Variants in TAFA1 observed in about 807,000 individuals in gnomAD.
TAFA1 encodes the protein TAFA chemokine like family member 1.
In TAFA1, 4 loss-of-function variants were observed where a neutral mutation model predicts 18.5. The ratio of observed to expected loss-of-function variants is 0.22; its 90% CI spans 0.11 to 0.49. The LOEUF is 0.49. Ranked by LOEUF, TAFA1 falls within the 20% of genes least tolerant of loss-of-function variation. The pLI is 0.98. For synonymous variants in TAFA1, 56 were observed against 55.2 expected (o/e 1.01, Z -0.06); for missense variants, 147 against 169.0 (o/e 0.87, Z 0.72).
At chr3:68,463,277 A>T (rs2071819524) in intron 3 of TAFA1, among the ~76,000 whole-genome samples, 1 of 152,186 alleles carries the variant, frequency 6.6e-6, no homozygotes, top group Non-Finnish European at 1.5e-5. Flanking sequence ...GATATAATCA[A>T]TAGATGTCAG....
At chr3:68,092,577 G>A (rs1359796120) in intron 2 of TAFA1, among the ~76,000 whole-genome samples, 2 of 152,188 alleles carry the variant, frequency 1.3e-5, no homozygotes, top group Admixed American at 1.3e-4. Context: ...AGGAAAGTGA[G>A]TCATGTTCTG....
intron 2 of TAFA1, among the ~76,000 whole-genome samples, chr3:68,064,062 A>C (rs2064641453): frequency 6.6e-6 from 1 of 152,222 alleles, no homozygotes; most frequent in Admixed American, 6.5e-5. Context: ...AACAAAACTT[A>C]ATAAGTTGAC....
intron 2 of TAFA1, among the ~76,000 whole-genome samples, chr3:68,296,758 G>A (rs1370101709): frequency 1.3e-5 from 2 of 152,144 alleles, no homozygotes; most frequent in Non-Finnish European, 2.9e-5. Flanking sequence ...CACTGTGCTA[G>A]GTGCTTGGGT....
intron 2 of TAFA1, among the ~76,000 whole-genome samples, chr3:68,377,912 G>T (rs1409228951): frequency 6.6e-6 from 1 of 152,172 alleles, no homozygotes; most frequent in Admixed American, 6.5e-5. Flanking sequence ...CCAACTTTTG[G>T]CAGCCTCCAC....
At chr3:68,073,254 G>A (rs6548964) in intron 2 of TAFA1, among the ~76,000 whole-genome samples, 144,246 of 152,256 alleles carry the variant, frequency 0.95, 68,390 homozygotes, top group South Asian at 0.97. Context: ...TTTACTGAAC[G>A]TTAGAGTTAG....
chr3:68,208,264 G>A (rs549819502), intron 2 of TAFA1, among the ~76,000 whole-genome samples: 24 of 151,820 alleles, frequency 1.6e-4, no homozygotes, highest in South Asian at 4.2e-4. Context: ...TCCATTGTGC[G>A]TTTATAGCCT....
At chr3:68,437,482 G>A (rs1254366792) in intron 3 of TAFA1, among the ~76,000 whole-genome samples, 5 of 152,136 alleles carry the variant, frequency 3.3e-5, no homozygotes, top group Non-Finnish European at 7.4e-5. Context: ...AGGCCAAAGG[G>A]CTGCATCTCG....
At chr3:68,220,313 GAA>G (rs1306563155) in intron 2 of TAFA1, among the ~76,000 whole-genome samples, 1 of 152,138 alleles carries the variant, frequency 6.6e-6, no homozygotes, top group African/African-American at 2.4e-5. Context: ...AGCTCTCATG[GAA>G]CTTAGATGAG....
intron 2 of TAFA1, among the ~76,000 whole-genome samples, chr3:68,213,559 C>T (rs533898631): frequency 7.6e-4 from 116 of 152,172 alleles, no homozygotes; most frequent in Non-Finnish European, 1.4e-3. Context: ...CCTGTGGAGT[C>T]AGGGGGTAGG....
intron 2 of TAFA1, among the ~76,000 whole-genome samples, chr3:68,102,134 C>G (rs1440593939): frequency 6.6e-6 from 1 of 152,058 alleles, no homozygotes; most frequent in Admixed American, 6.6e-5. Flanking sequence ...AGTTATTATG[C>G]CTTTAGATTC....
chr3:68,490,999 C>A (rs530282518), intron 3 of TAFA1, among the ~76,000 whole-genome samples: 140 of 152,000 alleles, frequency 9.2e-4, no homozygotes, highest in African/African-American at 3.1e-3. Context: ...CTGCCACACC[C>A]AGCTAAGTTT....
At chr3:68,319,075 T>G (rs2068656680) in intron 2 of TAFA1, among the ~76,000 whole-genome samples, 1 of 152,218 alleles carries the variant, frequency 6.6e-6, no homozygotes, top group African/African-American at 2.4e-5. Flanking sequence ...TCTTGGGTCC[T>G]ATTTGGCATA....
At chr3:68,428,214 G>T (rs1482034877) in intron 3 of TAFA1, among the ~76,000 whole-genome samples, 1 of 151,864 alleles carries the variant, frequency 6.6e-6, no homozygotes, top group Non-Finnish European at 1.5e-5. Context: ...TGGGTAGCAG[G>T]AATGTGGCCT....
intron 2 of TAFA1, among the ~76,000 whole-genome samples, chr3:68,177,854 T>G (rs5008557): frequency 1.3e-5 from 2 of 152,004 alleles, no homozygotes; most frequent in East Asian, 3.9e-4. Context: ...AATTAAAAAC[T>G]TAACCCTGGG....
At chr3:68,314,694 A>G (rs4378971) in intron 2 of TAFA1, among the ~76,000 whole-genome samples, 43 of 151,994 alleles carry the variant, frequency 2.8e-4, no homozygotes, top group Non-Finnish European at 5.6e-4. Context: ...GCTTTTATAT[A>G]TGAAATCTTA....
intron 2 of TAFA1, among the ~76,000 whole-genome samples, chr3:68,322,002 G>T (rs2106707838): frequency 6.6e-6 from 1 of 152,218 alleles, no homozygotes; most frequent in African/African-American, 2.4e-5. Flanking sequence ...TTTTCCCACA[G>T]CTGCATGTAC....
chr3:68,352,336 T>G (rs1171373446), intron 2 of TAFA1, among the ~76,000 whole-genome samples: 1 of 151,972 alleles, frequency 6.6e-6, no homozygotes, highest in East Asian at 1.9e-4. Flanking sequence ...GAAAGGTAAT[T>G]GAAGGCAATG....
intron 2 of TAFA1, among the ~76,000 whole-genome samples, chr3:68,342,389 C>T (rs897208277): frequency 3.9e-5 from 6 of 152,078 alleles, no homozygotes; most frequent in Non-Finnish European, 5.9e-5. Context: ...TAATCAGCTC[C>T]GAAAGGCTGT....
At chr3:68,090,349 G>A (rs1371737171) in intron 2 of TAFA1, among the ~76,000 whole-genome samples, 2 of 152,116 alleles carry the variant, frequency 1.3e-5, no homozygotes, top group Non-Finnish European at 2.9e-5. Flanking sequence ...GTACCATCCT[G>A]TAAAATTGTA....
Sources: gnomAD v4.1 joint callset for allele counts (sites outside exome capture counted in the v4.1 genomes callset) on GRCh38, gnomAD v4.1.1 for gene constraint, MANE v1.5 for transcripts, NCBI Gene and HGNC (gene_info 2026-07-23, HGNC 2026-07-21) for gene names.